EML6: variants seen among roughly 807,000 people sequenced by gnomAD.
The protein encoded by EML6 is echinoderm microtubule-associated protein-like 6.
Under a neutral mutation model 240.1 loss-of-function variants are expected in EML6, and 154 were observed. That is an observed-to-expected ratio of 0.64 (90% CI 0.56 to 0.73). The LOEUF (loss-of-function observed/expected upper bound fraction) is 0.73, where lower values mean the gene tolerates loss of function less well. EML6 is among the 30% of genes least tolerant of loss of function. The pLI, the probability that EML6 is intolerant of heterozygous loss-of-function variation, is 0.00. For missense variants in EML6, 2,964 were observed against 2,474.6 expected, an observed-to-expected ratio of 1.20 and a Z score of -4.20; for synonymous variants, 1,148 against 899.0, an observed-to-expected ratio of 1.28 and a Z score of -4.95.
chr2:54,858,160 T>G (rs759282198), intron 11 of EML6, among the ~76,000 whole-genome samples: 1 of 152,226 alleles, frequency 6.6e-6, no homozygotes, highest in Non-Finnish European at 1.5e-5. Flanking sequence ...CTCACTCATG[T>G]GGCTCTTGGC....
intron 17 of EML6, among the ~76,000 whole-genome samples, chr2:54,883,658 T>G (rs1392355683): frequency 6.6e-6 from 1 of 152,186 alleles, no homozygotes; most frequent in East Asian, 1.9e-4. Context: ...GTGTGTAAGT[T>G]CTTATTCTCG....
intron 35 of EML6, 124 bp from the exon 36 acceptor site, chr2:54,962,399 C>A: frequency 1.3e-6 from 1 of 745,210 alleles, no homozygotes; most frequent in Non-Finnish European, 2.1e-6. Flanking sequence ...CTGTCCACCA[C>A]CCCCATTCAC....
intron 2 of EML6, among the ~76,000 whole-genome samples, chr2:54,769,796 C>T (rs1668333575): frequency 6.6e-6 from 1 of 152,172 alleles, no homozygotes; most frequent in African/African-American, 2.4e-5. Flanking sequence ...GTGTTGTTAA[C>T]TCTAGGTACT....
chr2:54,742,272 G>A (rs749745079), intron 2 of EML6, among the ~76,000 whole-genome samples: 64 of 152,166 alleles, frequency 4.2e-4, no homozygotes, highest in Non-Finnish European at 7.2e-4. Flanking sequence ...CTGTTTCCCC[G>A]ACTTTCCTAC....
chr2:54,830,198 G>A (rs1215811203), intron 7 of EML6, among the ~76,000 whole-genome samples: 1 of 152,120 alleles, frequency 6.6e-6, no homozygotes, highest in African/African-American at 2.4e-5. Flanking sequence ...CCTTTTGGCA[G>A]ACAAAGAATT....
At chr2:54,937,874 A>G (rs761403688) in intron 28 of EML6, among the ~76,000 whole-genome samples, 3 of 152,236 alleles carry the variant, frequency 2.0e-5, no homozygotes, top group African/African-American at 7.2e-5. Context: ...TCTGACTTCT[A>G]CAAGAGTTGG....
intron 16 of EML6, among the ~76,000 whole-genome samples, chr2:54,872,082 T>C (rs577694393): frequency 9.2e-5 from 14 of 152,224 alleles, no homozygotes; most frequent in South Asian, 2.1e-4. Context: ...GTTTACAACA[T>C]TGGTATTTTG....
At chr2:54,746,572 A>G (rs1380490847) in intron 2 of EML6, among the ~76,000 whole-genome samples, 4 of 152,238 alleles carry the variant, frequency 2.6e-5, no homozygotes, top group Non-Finnish European at 5.9e-5. Flanking sequence ...TAATCCTTAT[A>G]GTATGTCACA....
intron 22 of EML6, among the ~76,000 whole-genome samples, chr2:54,900,258 A>C (rs1672986247): frequency 6.6e-6 from 1 of 152,178 alleles, no homozygotes; most frequent in Non-Finnish European, 1.5e-5. Context: ...AATTCAGCAA[A>C]CATTTATTAA....
At chr2:54,791,545 C>A (rs373707768) in intron 2 of EML6, among the ~76,000 whole-genome samples, 2 of 152,156 alleles carry the variant, frequency 1.3e-5, no homozygotes, top group African/African-American at 2.4e-5. Flanking sequence ...ACTTCTAGTT[C>A]CAGTCAGTGG....
At chr2:54,830,268 C>T (rs933316682) in intron 7 of EML6, among the ~76,000 whole-genome samples, 3 of 152,134 alleles carry the variant, frequency 2.0e-5, no homozygotes, top group African/African-American at 7.2e-5. Context: ...GAAGTCATAG[C>T]ACTGTTAATA....
At chr2:54,944,085 G>C (rs900620901) in intron 28 of EML6, among the ~76,000 whole-genome samples, 1 of 151,882 alleles carries the variant, frequency 6.6e-6, no homozygotes, top group Non-Finnish European at 1.5e-5. Context: ...TTTTACCTTT[G>C]GCTGGCATCT....
intron 10 of EML6, among the ~76,000 whole-genome samples, chr2:54,852,231 T>A (rs1209339106): frequency 6.6e-6 from 1 of 152,224 alleles, no homozygotes; most frequent in African/African-American, 2.4e-5. Flanking sequence ...TTATAAGAGA[T>A]TCATCTGACT....
intron 15 of EML6, among the ~76,000 whole-genome samples, chr2:54,870,278 C>T (rs1420643068): frequency 6.6e-6 from 1 of 152,106 alleles, no homozygotes; most frequent in Admixed American, 6.5e-5. Flanking sequence ...GAGTCAACCC[C>T]TTAAAAAGTT....
intron 2 of EML6, among the ~76,000 whole-genome samples, chr2:54,784,431 A>G (rs925096573): frequency 3.3e-5 from 5 of 152,194 alleles, no homozygotes; most frequent in African/African-American, 1.2e-4. Flanking sequence ...GTATTTTCAA[A>G]AGTGTTATAA....
In EML6 at chr2:54,967,056, A is replaced by T. The variant is rs1236346796; in HGVS notation, c.5550A>T (p.Val1850=). 2.6e-6 allele frequency: 4 copies of T among 1,551,562 alleles called. No homozygotes were observed. Among genetic ancestry groups the T allele is most frequent in the Non-Finnish European group, 3.5e-6 (4 of 1,146,910 alleles). Residue 1850 remains valine, a synonymous_variant, in exon 39 of 42, where the codon GTA becomes GTT. Coordinates refer to ENST00000356458, the MANE Select transcript of EML6 (RefSeq NM_001039753.4). ...ATGAGGTCCCCCTGGGGAAGCAGGT[A>T]ACTGAAGCCGTGGTCATTGAGAAGA... is the stretch of plus-strand genomic sequence containing the variant. ...QVHEVPLGKQ[V]TEAVVIEKIT...
chr2:54,726,640 A>G (rs1682922102), intron 2 of EML6, among the ~76,000 whole-genome samples: 1 of 152,138 alleles, frequency 6.6e-6, no homozygotes, highest in Non-Finnish European at 1.5e-5. Flanking sequence ...TTCCCTCCCT[A>G]ACATGGTAGT....
chr2:54,921,180 A>C (rs907505801), intron 26 of EML6, among the ~76,000 whole-genome samples: 1 of 152,110 alleles, frequency 6.6e-6, no homozygotes. Flanking sequence ...ATCTCTATTT[A>C]TGTACAACAT....
At chr2:54,845,321 A>G (rs1460991279) in intron 8 of EML6, among the ~76,000 whole-genome samples, 1 of 152,104 alleles carries the variant, frequency 6.6e-6, no homozygotes, top group East Asian at 1.9e-4. Context: ...TCTTTCTGTT[A>G]CTCTTGAATT....
Sources: allele counts gnomAD v4.1 joint callset (sites outside exome capture counted in the v4.1 genomes callset), GRCh38; gene constraint gnomAD v4.1.1; transcripts MANE v1.5; gene names NCBI Gene and HGNC (gene_info 2026-07-23, HGNC 2026-07-21).